Variants in ADCY10 observed in about 807,000 individuals in gnomAD.
The protein encoded by ADCY10 is adenylate cyclase type 10.
ADCY10 carries 156 observed loss-of-function variants against 183.3 expected under a neutral mutation model. The observed-to-expected ratio is 0.85, with a 90% CI of 0.75 to 0.97. The LOEUF is 0.97. Among genes scored for constraint, ADCY10 ranks in the 50% least tolerant of loss-of-function variants. The pLI is 0.00. For synonymous variants in ADCY10, 645 were observed against 670.0 expected, an observed-to-expected ratio of 0.96 and a Z score of 0.58; for missense variants, 1,745 against 1,934.3, an observed-to-expected ratio of 0.90 and a Z score of 1.84.
chr1:167,832,733 C>T (rs1208811149), intron 25 of ADCY10, among the ~76,000 whole-genome samples: 1 of 152,174 alleles, frequency 6.6e-6, no homozygotes, highest in Non-Finnish European at 1.5e-5. Context: ...GACCCTAGAA[C>T]TTACCTTACA....
At chr1:167,838,342 T>C (rs1337918476) in intron 21 of ADCY10, among the ~76,000 whole-genome samples, 1 of 91,464 alleles carries the variant, frequency 1.1e-5, no homozygotes, top group African/African-American at 2.8e-5. Flanking sequence ...TATTGAATTA[T>C]GACCCTGTCC....
chr1:167,837,083 C>T lies in ADCY10; in HGVS notation c.3077+166G>A, dbSNP rs528710624. ...AAAACAAAAGAGCAGGATAATAAAACCTAGTGTGGATACTACTGACTAAAC... is the reference window on the plus strand; with the variant it reads ...AAAACAAAAGAGCAGGATAATAAAATCTAGTGTGGATACTACTGACTAAAC... On this transcript the variant is annotated intron_variant, in intron 22 of 32. Coordinates refer to ENST00000367851, the MANE Select transcript of ADCY10 (RefSeq NM_018417.6). 89 of 692,134 alleles carry T rather than the reference C, an allele frequency of 1.3e-4. No homozygotes were observed. In the South Asian group the frequency reaches 1.3e-3, roughly 10 times the overall value. The allele number at this position is 692,134 out of a possible 1,614,324, so 42.9% of individuals were successfully genotyped here. A position where few individuals can be genotyped will look rare whatever the true frequency, so the allele number is the denominator to read the frequency against.
At chr1:167,847,485 G>A (rs1350544052) in intron 19 of ADCY10, among the ~76,000 whole-genome samples, 1 of 150,824 alleles carries the variant, frequency 6.6e-6, no homozygotes, top group East Asian at 2.0e-4. Context: ...GCGTGATCTC[G>A]GCTCACTGCA....
intron 21 of ADCY10, among the ~76,000 whole-genome samples, chr1:167,844,074 A>C (rs1664835812): frequency 6.6e-6 from 1 of 152,246 alleles, no homozygotes. Flanking sequence ...TTTCAATTTC[A>C]ACATAATATT....
At chr1:167,857,240 C>G (rs185971237) in intron 16 of ADCY10, among the ~76,000 whole-genome samples, 20 of 152,288 alleles carry the variant, frequency 1.3e-4, no homozygotes, top group African/African-American at 4.6e-4. Flanking sequence ...CTTTTTGTTT[C>G]CCTCTGAGAA....
chr1:167,849,360 C>G (rs1473250601), intron 18 of ADCY10, among the ~76,000 whole-genome samples: 5 of 152,196 alleles, frequency 3.3e-5, no homozygotes, highest in Non-Finnish European at 7.3e-5. Context: ...TCTATCCCTT[C>G]AGCCATTCAT....
intron 23 of ADCY10, chr1:167,834,499 A>G: frequency 3.8e-6 from 1 of 265,390 alleles, no homozygotes; most frequent in Non-Finnish European, 7.4e-6. Context: ...TTTTAAATGA[A>G]TTATGAATCA....
chr1:167,824,766 C>T lies in ADCY10; in HGVS notation c.3840G>A (p.Glu1280=), dbSNP rs774553482. Residue 1280 remains glutamate, a synonymous_variant, in exon 27 of 33, where the codon GAG becomes GAA. Coordinates refer to ENST00000367851, the MANE Select transcript of ADCY10 (RefSeq NM_018417.6). ...VWFKYEVMAM[E]HIFNLPLKGE... is the part of the protein sequence containing the mutation. Reference sequence around the variant, plus strand: ...CTTTCAGGGGGAGGTTGAAGATGTGCTCCATGGCCATGACTTCATATTTGA... The same window carrying T: ...CTTTCAGGGGGAGGTTGAAGATGTGTTCCATGGCCATGACTTCATATTTGA... 7 of 1,614,090 alleles carry T rather than the reference C, an allele frequency of 4.3e-6. No homozygotes were observed. In the Admixed American group the frequency reaches 5.0e-5, roughly 12 times the overall value.
At chr1:167,894,019 C>T in intron 7 of ADCY10, 78 bp from the exon 8 acceptor site, 2 of 990,144 alleles carry the variant, frequency 2.0e-6, no homozygotes, top group Admixed American at 1.9e-5. Flanking sequence ...GGCTCCCAGT[C>T]CCTATTCTCT....
At chr1:167,889,583 C>G (rs1271700944) in intron 8 of ADCY10, among the ~76,000 whole-genome samples, 1 of 151,950 alleles carries the variant, frequency 6.6e-6, no homozygotes, top group Non-Finnish European at 1.5e-5. Context: ...GTAATACTGG[C>G]CTTGTAGAAT....
chr1:167,828,711 C>A (rs1252552354), intron 26 of ADCY10, among the ~76,000 whole-genome samples: 2 of 152,140 alleles, frequency 1.3e-5, no homozygotes, highest in Admixed American at 1.3e-4. Flanking sequence ...CCTGTAATCC[C>A]AGCACTTTGG....
intron 13 of ADCY10, among the ~76,000 whole-genome samples, chr1:167,873,372 G>A (rs1667235780): frequency 1.3e-5 from 2 of 152,154 alleles, no homozygotes; most frequent in Admixed American, 6.5e-5. Context: ...TTCTGGAACT[G>A]TTGCCCTCCT....
chr1:167,880,437 C>T, intron 10 of ADCY10, 54 bp downstream of exon 10: 1 of 1,307,404 alleles, frequency 7.6e-7, no homozygotes, highest in Admixed American at 1.7e-5. Context: ...GCCCTCCCTA[C>T]TTATGCCTCA....
chr1:167,821,993 G>T, intron 30 of ADCY10, 31 bp downstream of exon 30: 1 of 1,390,734 alleles, frequency 7.2e-7, no homozygotes, highest in Non-Finnish European at 1.0e-6. Context: ...TTTTCACTTT[G>T]GGAATTTAGT....
chr1:167,836,448 G>A lies in ADCY10; in HGVS notation c.3170C>T (p.Ser1057Phe). 1 of 1,614,092 alleles carries A rather than the reference G, an allele frequency of 6.2e-7. No homozygotes were observed. The highest frequency in any genetic ancestry group is 8.5e-7 in the Non-Finnish European group (1 of 1,179,914). ...TSDEDIIPLE[S>F]CQCEEILEIV... ...CTCTAGGATTTCTTCACACTGGCAA[G>A]ATTCCAGAGGGATAATGTCTTCGTC... is the stretch of plus-strand genomic sequence containing the variant. Residue 1057 changes from serine to phenylalanine, a missense_variant, in exon 23 of 33, where the codon TCT (serine) becomes TTT (phenylalanine). Physicochemically the swap from Ser to Phe is radical, Grantham distance 155. Transcript: ENST00000367851.
At chr1:167,809,942 C>T in intron 32 of ADCY10, 103 bp from the exon 33 acceptor site, 1 of 1,205,256 alleles carries the variant, frequency 8.3e-7, no homozygotes, top group Non-Finnish European at 1.2e-6. Flanking sequence ...TGGTAAAAAC[C>T]ATGTGAACCC....
rs576892403 is a variant in ADCY10, at chr1:167,819,908, A to G, written c.4287-1641T>C. On this transcript the variant is annotated intron_variant, in intron 30 of 32. Coordinates refer to ENST00000367851, the MANE Select transcript of ADCY10 (RefSeq NM_018417.6). ...ATATTTAAAGCCAAATCGGATCAACAGTAGGCAAAACATCTTCTCCAGGCC... is the reference window on the plus strand; with the variant it reads ...ATATTTAAAGCCAAATCGGATCAACGGTAGGCAAAACATCTTCTCCAGGCC... 1.5e-4 allele frequency: 143 copies of G among 979,770 alleles called. 3 individuals are homozygous for G. In the South Asian group the frequency reaches 1.8e-3, roughly 13 times the overall value. The allele number at this position is 979,770 out of a possible 1,614,324, so 60.7% of individuals were successfully genotyped here.
chr1:167,834,926 GC>G (rs1664082703), intron 23 of ADCY10, among the ~76,000 whole-genome samples: 1 of 152,206 alleles, frequency 6.6e-6, no homozygotes, highest in South Asian at 2.1e-4. Flanking sequence ...GGACTCATTG[GC>G]TACATCCCCA....
intron 16 of ADCY10, 114 bp from the exon 17 acceptor site, chr1:167,856,553 G>T: frequency 2.0e-6 from 2 of 1,012,392 alleles, no homozygotes; most frequent in Non-Finnish European, 3.0e-6. Context: ...ATGATGCAGC[G>T]AAAGAACTAA....
Sources: allele counts gnomAD v4.1 joint callset (sites outside exome capture counted in the v4.1 genomes callset), GRCh38; gene constraint gnomAD v4.1.1; transcripts MANE v1.5; gene names NCBI Gene and HGNC (gene_info 2026-07-23, HGNC 2026-07-21).